OSTM1: variants seen among roughly 807,000 people sequenced by gnomAD.
The protein encoded by OSTM1 is osteopetrosis-associated transmembrane protein 1.
In OSTM1, 26 loss-of-function variants were observed where a neutral mutation model predicts 35.4. That is an observed-to-expected ratio of 0.73 (90% confidence interval 0.54 to 1.02). The LOEUF is 1.02. Among genes scored for constraint, OSTM1 ranks in the 50% least tolerant of loss-of-function variants. OSTM1 has a pLI of 0.00. For synonymous variants in OSTM1, 181 were observed against 165.0 expected (o/e 1.10, Z -0.75); for missense variants, 366 against 409.6 (o/e 0.89, Z 0.92).
chr6:108,069,954 T>C (rs1772451681), intron 1 of OSTM1, among the ~76,000 whole-genome samples: 2 of 152,188 alleles, frequency 1.3e-5, no homozygotes. Flanking sequence ...CCATGTCCAT[T>C]CACACTAAAG....
chr6:108,066,394 A>G (rs1389889754), intron 1 of OSTM1, among the ~76,000 whole-genome samples: 1 of 152,204 alleles, frequency 6.6e-6, no homozygotes, highest in Non-Finnish European at 1.5e-5. Flanking sequence ...TAATCCTCAT[A>G]ACAACTCTAT....
At chr6:108,072,556 C>T (rs1339202275) in intron 1 of OSTM1, among the ~76,000 whole-genome samples, 1 of 151,378 alleles carries the variant, frequency 6.6e-6, no homozygotes, top group African/African-American at 2.4e-5. Flanking sequence ...TCACTTGAAC[C>T]CAGGAGGCGG....
At chr6:108,071,029 A>G (rs965904454) in intron 1 of OSTM1, among the ~76,000 whole-genome samples, 2 of 150,032 alleles carry the variant, frequency 1.3e-5, no homozygotes, top group African/African-American at 2.5e-5. Context: ...TTTACTAAAA[A>G]TATAAAAAAT....
chr6:108,051,232 TAAAC>T, intron 3 of OSTM1, 34 bp from the exon 4 acceptor site: 4 of 1,421,958 alleles, frequency 2.8e-6, no homozygotes, highest in Non-Finnish European at 4.0e-6. Context: ...ATATATACAA[TAAAC>T]ATTATATACA....
intron 5 of OSTM1, among the ~76,000 whole-genome samples, chr6:108,048,973 G>A (rs569604860): frequency 2.0e-5 from 3 of 151,928 alleles, no homozygotes; most frequent in East Asian, 1.9e-4. Context: ...GGATGGTCTC[G>A]ATCTCCTGAC....
At chr6:108,062,029 A>C (rs531388936) in intron 2 of OSTM1, among the ~76,000 whole-genome samples, 1 of 150,654 alleles carries the variant, frequency 6.6e-6, no homozygotes, top group African/African-American at 2.5e-5. Context: ...TTCTATTTCT[A>C]TGTTTTTTTT....
At chr6:108,072,375 T>G (rs997253696) in intron 1 of OSTM1, among the ~76,000 whole-genome samples, 2 of 152,202 alleles carry the variant, frequency 1.3e-5, no homozygotes, top group East Asian at 1.9e-4. Context: ...GGCTCACACC[T>G]GTAATCCCAA....
At position 108,043,727 on chromosome 6, in the gene OSTM1, T is replaced by C. The variant is rs1381407910; in HGVS notation, c.*1058A>G. On this transcript the variant is annotated 3_prime_UTR_variant, in exon 6 of 6. Coordinates refer to ENST00000193322, the MANE Select transcript of OSTM1 (RefSeq NM_014028.4). ...TCGTATCACTTTCATCTGATTGAAA[T>C]AATTTAGAAACAATAAGGATGATCT... 1 of 152,206 alleles carries C rather than the reference T, an allele frequency of 6.6e-6. No homozygotes were observed. Among genetic ancestry groups the C allele is most frequent in the Non-Finnish European group, 1.5e-5 (1 of 68,036 alleles). The allele number at this position is 152,206 out of a possible 1,614,324, so 9.4% of individuals were successfully genotyped here.
At chr6:108,069,667 A>C (rs1457432006) in intron 1 of OSTM1, among the ~76,000 whole-genome samples, 1 of 152,186 alleles carries the variant, frequency 6.6e-6, no homozygotes, top group African/African-American at 2.4e-5. Context: ...ATCAGTTTAA[A>C]CTAAAAGGAG....
At chr6:108,050,450 C>A (rs912785183) in intron 4 of OSTM1, among the ~76,000 whole-genome samples, 6 of 149,868 alleles carry the variant, frequency 4.0e-5, no homozygotes, top group African/African-American at 1.5e-4. Flanking sequence ...TGCAACCTCT[C>A]CCTCCCGGTT....
chr6:108,054,314 G>A (rs1006928806), intron 3 of OSTM1, among the ~76,000 whole-genome samples, 176 bp downstream of exon 3: 1 of 152,158 alleles, frequency 6.6e-6, no homozygotes, highest in South Asian at 2.1e-4. Flanking sequence ...GAGAACTGAG[G>A]TTTTCATGAT....
rs567395367 is a variant in OSTM1 at position 108,073,985 on chromosome 6, A to T, written c.402+265T>A. Among the ~76,000 whole-genome samples the T allele has an allele frequency of 2.3e-4, 35 of 152,272 alleles. No homozygotes were observed. In the Middle Eastern group the frequency reaches 0.01, roughly 44 times the overall value. ...TGGTGGAGTGGGTGGAGGAAGAGCA[A>T]GAGGGTTGGGGAATCAGGACCCCCA... On this transcript the variant is annotated intron_variant, in intron 1 of 5. Transcript: ENST00000193322.
At chr6:108,045,398 G>A (rs550792047) in intron 5 of OSTM1, among the ~76,000 whole-genome samples, 1 of 150,080 alleles carries the variant, frequency 6.7e-6, no homozygotes, top group African/African-American at 2.4e-5. Context: ...GCGCAACAAG[G>A]CAAGAGAAAG....
Position 108,074,486 on chromosome 6 carries a change from C to T in OSTM1, c.166G>A (p.Glu56Lys), listed in dbSNP as rs998450900. 1.3e-6 allele frequency: 2 copies of T among 1,557,900 alleles called. No homozygotes were observed. Among genetic ancestry groups the T allele is most frequent in the Non-Finnish European group, 1.7e-6 (2 of 1,151,632 alleles). ...TGCAGGAGGGACAGGGACAAGTCCTCCACCTCCAGCAACTGCTGCTCCGAC... is the reference window on the plus strand; with the variant it reads ...TGCAGGAGGGACAGGGACAAGTCCTTCACCTCCAGCAACTGCTGCTCCGAC... ...LLSEQQLLEV[E>K]DLSLSLLQGG... Residue 56 changes from glutamate to lysine, a missense_variant, in exon 1 of 6, where the codon GAG (glutamate) becomes AAG (lysine). Coordinates refer to ENST00000193322, the MANE Select transcript of OSTM1 (RefSeq NM_014028.4).
intron 5 of OSTM1, among the ~76,000 whole-genome samples, chr6:108,049,027 A>G (rs1441263835): frequency 2.6e-5 from 4 of 152,154 alleles, no homozygotes; most frequent in Admixed American, 2.6e-4. Flanking sequence ...CTGGGATTAC[A>G]GGCATGAGCC....
chr6:108,067,815 G>C (rs545174320), intron 1 of OSTM1, among the ~76,000 whole-genome samples: 1 of 126,948 alleles, frequency 7.9e-6, no homozygotes, highest in East Asian at 2.4e-4. Flanking sequence ...GGTTGACAGA[G>C]CGAGCCTCTG....
In OSTM1 at chr6:108,046,641, G is replaced by A. The variant is rs1037708919; in HGVS notation, c.950-1801C>T. Among the ~76,000 whole-genome samples, 8 of 152,186 alleles carry A rather than the reference G, an allele frequency of 5.3e-5. No homozygotes were observed. The East Asian group carries it at 7.7e-4, about 15-fold the overall frequency. On this transcript the variant is annotated intron_variant, in intron 5 of 5. Transcript: ENST00000193322. ...ATTACAGGCGTGAGCCACCGCGCCC[G>A]GCCTGTCTCTGGTTTCTATCAACTG...
intron 2 of OSTM1, among the ~76,000 whole-genome samples, chr6:108,063,180 T>C (rs2114605313): frequency 6.6e-6 from 1 of 152,226 alleles, no homozygotes; most frequent in Middle Eastern, 3.4e-3. Flanking sequence ...GTCCATCTAA[T>C]TTAAAAAATA....
At chr6:108,064,825 G>A (rs1026272013) in intron 1 of OSTM1, among the ~76,000 whole-genome samples, 1 of 152,176 alleles carries the variant, frequency 6.6e-6, no homozygotes, top group African/African-American at 2.4e-5. Context: ...CAGACAAGGA[G>A]TTATACAGTG....
Sources: gnomAD v4.1 joint callset for allele counts (sites outside exome capture counted in the v4.1 genomes callset) on GRCh38, gnomAD v4.1.1 for gene constraint, MANE v1.5 for transcripts, NCBI Gene and HGNC (gene_info 2026-07-23, HGNC 2026-07-21) for gene names.